Variants in SLCO1B3 observed in about 807,000 individuals in gnomAD.
The protein encoded by SLCO1B3 is liver-specific organic anion transporter 2.
SLCO1B3 carries 72 observed loss-of-function variants against 71.8 expected under a neutral mutation model. The observed-to-expected ratio is 1.00, with a 90% CI of 0.83 to 1.22. The LOEUF is 1.22. Among genes scored for constraint, SLCO1B3 ranks in the 50% most tolerant of loss-of-function variants. SLCO1B3 has a pLI of 0.00. For missense variants in SLCO1B3, 911 were observed against 819.7 expected, an observed-to-expected ratio of 1.11 and a Z score of -1.36; for synonymous variants, 298 against 278.4, an observed-to-expected ratio of 1.07 and a Z score of -0.70.
intron 13 of SLCO1B3, among the ~76,000 whole-genome samples, chr12:20,895,935 C>T (rs191247540): frequency 8.9e-4 from 135 of 152,276 alleles, no homozygotes; most frequent in Middle Eastern, 3.4e-3. Context: ...TTTGTGCACC[C>T]ACAGGCTCAA....
intron 15 of SLCO1B3, among the ~76,000 whole-genome samples, chr12:20,907,856 A>G (rs531252584): frequency 2.6e-4 from 39 of 152,264 alleles, no homozygotes; most frequent in African/African-American, 9.4e-4. Context: ...AATAACAAAG[A>G]AAAACTTAAT....
At chr12:20,839,511 A>C (rs758347744) in intron 3 of SLCO1B3, among the ~76,000 whole-genome samples, 1 of 152,150 alleles carries the variant, frequency 6.6e-6, no homozygotes, top group African/African-American at 2.4e-5. Context: ...CTGAGAAGTC[A>C]AATGCAATTC....
intron 15 of SLCO1B3, among the ~76,000 whole-genome samples, chr12:20,905,177 G>A (rs548467064): frequency 6.6e-6 from 1 of 152,210 alleles, no homozygotes; most frequent in African/African-American, 2.4e-5. Flanking sequence ...TGGGAAATAA[G>A]GTGTCATCTC....
Position 20,862,401 on chromosome 12 carries a change from TGTCTC to T in SLCO1B3, c.482-9_482-5del, listed in dbSNP as rs1865284135. On this transcript the variant is annotated splice_polypyrimidine_tract_variant and splice_region_variant and intron_variant, in intron 6 of 15. Transcript: ENST00000381545. The stretch of plus-strand genomic sequence containing the variant: ...TAATGTTTAAAGTAAAACACTCTCT[TGTCTC>T]GATAGATTGTGTAAAGGAATCTGGG... 2.5e-6 allele frequency: 4 copies of T among 1,603,292 alleles called. No homozygotes were observed. The highest frequency in any genetic ancestry group is 1.3e-5 in the African/African-American group (1 of 74,552).
intron 13 of SLCO1B3, among the ~76,000 whole-genome samples, chr12:20,897,128 A>G (rs529662708): frequency 1.6e-4 from 24 of 152,294 alleles, no homozygotes; most frequent in Non-Finnish European, 2.2e-4. Context: ...AAATCGTATC[A>G]GATTCATTGT....
At chr12:20,873,325 G>A (rs1865512458) in intron 8 of SLCO1B3, among the ~76,000 whole-genome samples, 1 of 150,504 alleles carries the variant, frequency 6.6e-6, no homozygotes, top group Non-Finnish European at 1.5e-5. Context: ...CCCCATGGAG[G>A]AGCTAAGAGC....
In SLCO1B3 at chr12:20,878,062, C is replaced by T. The variant is rs1865618270; in HGVS notation, c.1135+126C>T. On this transcript the variant is annotated intron_variant, in intron 10 of 15. Coordinates refer to ENST00000381545, the MANE Select transcript of SLCO1B3 (RefSeq NM_019844.4). ...AAATGTAATCTTATTATGTCTCAAA[C>T]TTTACAAAATTTCTCCATCTTGTAA... is the stretch of plus-strand genomic sequence containing the variant. 6 of 603,496 alleles carry T rather than the reference C, an allele frequency of 9.9e-6. No individual in the cohort carries two copies. In the South Asian group the frequency reaches 1.3e-4, roughly 13 times the overall value. The allele number at this position is 603,496 out of a possible 1,614,324, so 37.4% of individuals were successfully genotyped here. A position where few individuals can be genotyped will look rare whatever the true frequency, so the allele number is the denominator to read the frequency against.
intron 8 of SLCO1B3, among the ~76,000 whole-genome samples, chr12:20,869,255 A>C (rs551590605): frequency 1.9e-4 from 29 of 152,294 alleles, no homozygotes; most frequent in Non-Finnish European, 4.1e-4. Flanking sequence ...CACTGGCGTC[A>C]CTGCTAGAAC....
chr12:20,846,045 A>T (rs74065205), intron 3 of SLCO1B3, among the ~76,000 whole-genome samples: 3,113 of 151,820 alleles, frequency 0.021, 111 homozygotes, highest in African/African-American at 0.071. Flanking sequence ...AGCTATTCTT[A>T]CATCAGATAA....
chr12:20,825,812 A>G lies in SLCO1B3; in HGVS notation c.84+9990A>G, dbSNP rs574525769. Among the ~76,000 whole-genome samples the G allele has an allele frequency of 2.6e-5, 4 of 151,136 alleles. No homozygotes were observed. In the East Asian group the frequency reaches 7.7e-4, roughly 29 times the overall value. ...AGACTCTGTCTCAAAAAAAAAAAAA[A>G]AAAAGAAAGAAAGAAGAAAAACCAT... On this transcript the variant is annotated intron_variant, in intron 3 of 15. Transcript: ENST00000381545.
intron 2 of SLCO1B3, among the ~76,000 whole-genome samples, chr12:20,815,296 T>A (rs1864173596): frequency 6.6e-6 from 1 of 152,162 alleles, no homozygotes; most frequent in South Asian, 2.1e-4. Context: ...TATAAACTTA[T>A]AAGGATAACG....
rs369572670 is a variant in SLCO1B3, at chr12:20,875,681, C to T, written c.970+204C>T. ...TAAAAAGGGGAAGAGGATTAGGTTT[C>T]TGCTCTTTAGAAGAGAGAAACCAAT... On this transcript the variant is annotated intron_variant, in intron 9 of 15. Transcript: ENST00000381545. Among the ~76,000 whole-genome samples the T allele has an allele frequency of 8.1e-4, 124 of 152,204 alleles. 2 individuals carry two copies. In the South Asian group the frequency reaches 0.025, roughly 31 times the overall value.
At chr12:20,826,520 A>G (rs1019030424) in intron 3 of SLCO1B3, among the ~76,000 whole-genome samples, 37 of 152,120 alleles carry the variant, frequency 2.4e-4, no homozygotes, top group African/African-American at 8.2e-4. Flanking sequence ...GACTATTATA[A>G]ATAATTTCCC....
At chr12:20,912,511 T>C (rs1454654876) in intron 15 of SLCO1B3, among the ~76,000 whole-genome samples, 1 of 148,762 alleles carries the variant, frequency 6.7e-6, no homozygotes. Context: ...TTTTTTTTTT[T>C]TGTATTTTTT....
intron 3 of SLCO1B3, among the ~76,000 whole-genome samples, chr12:20,827,192 C>A (rs996241952): frequency 3.9e-4 from 59 of 152,180 alleles, no homozygotes; most frequent in African/African-American, 1.4e-3. Flanking sequence ...AATTTGGACA[C>A]CTTATAATAT....
In SLCO1B3 at chr12:20,890,291, A is replaced by C. The variant is rs115251612; in HGVS notation, c.1682+6689A>C. Among the ~76,000 whole-genome samples the C allele has an allele frequency of 1.9e-3, 291 of 152,252 alleles. 1 individual carries two copies. Among genetic ancestry groups the C allele is most frequent in the African/African-American group, 6.9e-3 (287 of 41,546 alleles). On this transcript the variant is annotated intron_variant, in intron 13 of 15. Transcript: ENST00000381545. ...ATAATTGTTCAGGAACAGGCTATTT[A>C]ATTTTCATGTATTTGTGTAGTATTG...
intron 13 of SLCO1B3, among the ~76,000 whole-genome samples, chr12:20,893,763 T>G (rs1405229160): frequency 1.3e-5 from 2 of 152,086 alleles, no homozygotes; most frequent in Non-Finnish European, 2.9e-5. Flanking sequence ...GATTAAGGGA[T>G]GTAGTAAACC....
Position 20,830,177 on chromosome 12 carries a change from C to T in SLCO1B3, c.84+14355C>T, listed in dbSNP as rs11045536. On this transcript the variant is annotated intron_variant, in intron 3 of 15. Transcript: ENST00000381545. The stretch of plus-strand genomic sequence containing the variant: ...ATAGCTCAAGCTTGCACCTGGCGCC[C>T]GTAAGAGCCTTGTGAAAGGTTAGGG... Among the ~76,000 whole-genome samples the T allele has an allele frequency of 8.5e-5, 13 of 152,190 alleles. No individual in the cohort carries two copies. In the East Asian group the frequency reaches 1.2e-3, roughly 14 times the overall value.
In SLCO1B3 at chr12:20,822,979, G is replaced by A. The variant is rs372647497; in HGVS notation, c.84+7157G>A. On this transcript the variant is annotated intron_variant, in intron 3 of 15. Transcript: ENST00000381545. ...CTGGTCTTGAATTTTGTCTGATCTC[G>A]CATGGCTGTGATGTTTTATTCCTAG... is the stretch of plus-strand genomic sequence containing the variant. 1.1e-3 allele frequency among the ~76,000 whole-genome samples: 174 copies of A among 152,032 alleles called. 4 individuals carry two copies. In the South Asian group the frequency reaches 0.033, roughly 29 times the overall value.
Sources: allele counts gnomAD v4.1 joint callset (sites outside exome capture counted in the v4.1 genomes callset), GRCh38; gene constraint gnomAD v4.1.1; transcripts MANE v1.5; gene names NCBI Gene and HGNC (gene_info 2026-07-23, HGNC 2026-07-21).